PITPNC1: variants seen among roughly 807,000 people sequenced by gnomAD.
The protein encoded by PITPNC1 is phosphatidylinositol transfer protein cytoplasmic 1.
PITPNC1 carries 18 observed loss-of-function variants against 44.7 expected under a neutral mutation model. The observed-to-expected ratio is 0.40, with a 90% CI of 0.28 to 0.60. The LOEUF is 0.60. Ranked by LOEUF, PITPNC1 falls within the 20% of genes least tolerant of loss-of-function variation. The pLI, the probability that PITPNC1 is intolerant of heterozygous loss-of-function variation, is 0.39. For missense variants in PITPNC1, 290 were observed against 418.4 expected (o/e 0.69, Z 2.68); for synonymous variants, 141 against 149.6 (o/e 0.94, Z 0.42).
chr17:67,523,892 A>C (rs1022709211), intron 1 of PITPNC1, among the ~76,000 whole-genome samples: 1 of 148,546 alleles, frequency 6.7e-6, no homozygotes, highest in Non-Finnish European at 1.5e-5. Flanking sequence ...GCTCACTGCA[A>C]CCTCCGCCTC....
At chr17:67,387,031 G>C (rs2038064823) in intron 1 of PITPNC1, among the ~76,000 whole-genome samples, 1 of 152,236 alleles carries the variant, frequency 6.6e-6, no homozygotes, top group African/African-American at 2.4e-5. Flanking sequence ...ATCGTATCTG[G>C]AAAATGTAGA....
chr17:67,403,273 A>G (rs1038532340), intron 1 of PITPNC1, among the ~76,000 whole-genome samples: 4 of 149,534 alleles, frequency 2.7e-5, no homozygotes, highest in African/African-American at 7.5e-5. Context: ...TGCAGAAACC[A>G]GTAGGTATTT....
chr17:67,678,657 A>C (rs1341145669), intron 8 of PITPNC1, among the ~76,000 whole-genome samples: 1 of 152,228 alleles, frequency 6.6e-6, no homozygotes, highest in Non-Finnish European at 1.5e-5. Context: ...CAGTGAATCA[A>C]ATGAATGGAA....
At chr17:67,601,172 G>A (rs760439105) in intron 5 of PITPNC1, among the ~76,000 whole-genome samples, 1 of 151,998 alleles carries the variant, frequency 6.6e-6, no homozygotes, top group Admixed American at 6.5e-5. Flanking sequence ...ATCTATACCT[G>A]GACACATTGT....
intron 5 of PITPNC1, chr17:67,613,497 G>A (rs532390673): frequency 6.6e-6 from 1 of 152,334 alleles, no homozygotes; most frequent in African/African-American, 2.4e-5. Context: ...TCTTAAACAT[G>A]TAACAGTTGC....
intron 1 of PITPNC1, among the ~76,000 whole-genome samples, chr17:67,496,123 T>C (rs1474969972): frequency 6.6e-6 from 1 of 152,186 alleles, no homozygotes. Context: ...GCTTTTGGAA[T>C]ACTACCAAGC....
chr17:67,441,037 G>C (rs558830983), intron 1 of PITPNC1, among the ~76,000 whole-genome samples: 1 of 152,162 alleles, frequency 6.6e-6, no homozygotes, highest in Non-Finnish European at 1.5e-5. Context: ...GCATCTGTCA[G>C]GGTTAACCTG....
chr17:67,616,330 T>G (rs2041757102), intron 5 of PITPNC1, among the ~76,000 whole-genome samples: 1 of 152,050 alleles, frequency 6.6e-6, no homozygotes, highest in South Asian at 2.1e-4. Flanking sequence ...TAGTACAAAA[T>G]GGGTTTTACC....
chr17:67,519,171 G>GTTTTTTT (rs563294178), intron 1 of PITPNC1, among the ~76,000 whole-genome samples: 7 of 78,752 alleles, frequency 8.9e-5, no homozygotes, highest in Admixed American at 1.8e-4. Context: ...GCAGCATTCT[G>GTTTTTTT]TTTTTTTTTT....
At chr17:67,654,213 C>G (rs2042239202) in intron 6 of PITPNC1, among the ~76,000 whole-genome samples, 1 of 152,214 alleles carries the variant, frequency 6.6e-6, no homozygotes, top group Non-Finnish European at 1.5e-5. Context: ...TAACATCCCA[C>G]AGAACAAGAA....
At chr17:67,678,210 C>T (rs1688737184) in intron 8 of PITPNC1, among the ~76,000 whole-genome samples, 1 of 82,342 alleles carries the variant, frequency 1.2e-5, no homozygotes, top group Non-Finnish European at 2.3e-5. Flanking sequence ...AACAAGACCT[C>T]GTCTCTTTAA....
intron 5 of PITPNC1, among the ~76,000 whole-genome samples, chr17:67,608,959 A>G (rs2642030): frequency 0.34 from 51,573 of 151,876 alleles, 9,440 homozygotes; most frequent in East Asian, 0.5. Context: ...ATACTGAGTC[A>G]TTGTGGACTT....
intron 7 of PITPNC1, among the ~76,000 whole-genome samples, chr17:67,673,402 GAC>G (rs142605380): frequency 1.3e-5 from 2 of 150,824 alleles, no homozygotes; most frequent in Non-Finnish European, 3.0e-5. Context: ...CACACACGCA[GAC>G]ACACACACAC....
intron 1 of PITPNC1, among the ~76,000 whole-genome samples, chr17:67,403,117 T>G (rs981507727): frequency 6.0e-5 from 9 of 149,398 alleles, no homozygotes; most frequent in Non-Finnish European, 4.4e-5. Flanking sequence ...TCTGGCCAGG[T>G]GAAGTGCTTG....
chr17:67,425,190 C>CGT (rs1567984578), intron 1 of PITPNC1, among the ~76,000 whole-genome samples: 1 of 45,092 alleles, frequency 2.2e-5, no homozygotes, highest in Admixed American at 1.8e-4. Flanking sequence ...ATGTTGTGCG[C>CGT]GCGCACGCAC....
chr17:67,656,178 G>T lies in PITPNC1; in HGVS notation c.463-13330G>T, dbSNP rs192403807. Among the ~76,000 whole-genome samples, 484 of 152,340 alleles carry T rather than the reference G, an allele frequency of 3.2e-3. 2 individuals are homozygous for T. The highest frequency in any genetic ancestry group is 3.1e-3 in the Admixed American group (47 of 15,296). ...GGACCAGTTAGGTCAGAGCATGGGG[G>T]TCTAACCTTGCTCTTCTGTCTGGAC... On this transcript the variant is annotated intron_variant, in intron 6 of 8. Transcript: ENST00000581322.
At chr17:67,675,631 G>C in intron 8 of PITPNC1, 89 bp downstream of exon 8, 1 of 861,940 alleles carries the variant, frequency 1.2e-6, no homozygotes, top group Non-Finnish European at 2.0e-6. Context: ...TACCTAGAAG[G>C]ACAACAACAA....
At chr17:67,642,090 T>C (rs1338482075) in intron 6 of PITPNC1, among the ~76,000 whole-genome samples, 2 of 152,034 alleles carry the variant, frequency 1.3e-5, no homozygotes, top group South Asian at 2.1e-4. Flanking sequence ...CAAACTCAGG[T>C]CTGAAGATGT....
At chr17:67,384,857 G>A (rs1172860452) in intron 1 of PITPNC1, among the ~76,000 whole-genome samples, 1 of 152,232 alleles carries the variant, frequency 6.6e-6, no homozygotes, top group East Asian at 1.9e-4. Context: ...AGACTCCTTG[G>A]ATTAATCTCA....
Sources: allele counts gnomAD v4.1 joint callset (sites outside exome capture counted in the v4.1 genomes callset), GRCh38; gene constraint gnomAD v4.1.1; transcripts MANE v1.5; gene names NCBI Gene and HGNC (gene_info 2026-07-23, HGNC 2026-07-21).